CNST: variants seen among roughly 807,000 people sequenced by gnomAD.
CNST encodes consortin, connexin sorting protein.
Under a neutral mutation model 72.4 loss-of-function variants are expected in CNST, and 39 were observed. That is an observed-to-expected ratio of 0.54 (90% confidence interval 0.42 to 0.70). The LOEUF (loss-of-function observed/expected upper bound fraction) is 0.70. CNST is among the 30% of genes least tolerant of loss of function. The probability of loss-of-function intolerance (pLI) is 0.00; values close to 1 mark genes in which losing one functional copy is unlikely to be tolerated. For missense variants in CNST, 871 were observed against 868.5 expected (o/e 1.00, Z -0.04); for synonymous variants, 332 against 320.1 (o/e 1.04, Z -0.40).
intron 6 of CNST, among the ~76,000 whole-genome samples, chr1:246,640,040 C>T (rs1665582751): frequency 6.6e-6 from 1 of 152,136 alleles, no homozygotes; most frequent in South Asian, 2.1e-4. Flanking sequence ...TGGGACTGGG[C>T]CTGAGGAGGG....
chr1:246,643,559 G>A (rs77374861), intron 8 of CNST, among the ~76,000 whole-genome samples: 2,237 of 152,304 alleles, frequency 0.015, 65 homozygotes, highest in African/African-American at 0.051. Flanking sequence ...GGAAACTGAG[G>A]TACCAAGTTT....
In CNST at chr1:246,634,459, T is replaced by A. The variant is rs1381516113; in HGVS notation, c.704-14T>A. 1 of 1,507,172 alleles carries A rather than the reference T, an allele frequency of 6.6e-7. No homozygotes were observed. The highest frequency in any genetic ancestry group is 9.0e-7 in the Non-Finnish European group (1 of 1,111,088). 93.4% of individuals were successfully genotyped at this position (1,507,172 alleles called of 1,614,324 possible). On this transcript the variant is annotated splice_polypyrimidine_tract_variant and intron_variant, in intron 5 of 10. Coordinates refer to ENST00000366513, the MANE Select transcript of CNST (RefSeq NM_152609.3). ...TTTATAAGAGCCAGTGACTAACAAA[T>A]ACTTTAAATTTAGAAACAAAATGGA... is the stretch of plus-strand genomic sequence containing the variant.
chr1:246,621,312 GT>G (rs1471071566), intron 2 of CNST, 116 bp from the exon 3 acceptor site: 1 of 748,578 alleles, frequency 1.3e-6, no homozygotes, highest in African/African-American at 1.7e-5. Flanking sequence ...TTACCTTCCT[GT>G]TCAGGTCTGT....
At chr1:246,629,027 T>C (rs1664616185) in intron 3 of CNST, among the ~76,000 whole-genome samples, 2 of 152,188 alleles carry the variant, frequency 1.3e-5, no homozygotes, top group Admixed American at 6.5e-5. Context: ...TTATTTGTAT[T>C]TATTTATTTA....
At chr1:246,595,148 A>G (rs2103030596) in intron 2 of CNST, among the ~76,000 whole-genome samples, 1 of 152,278 alleles carries the variant, frequency 6.6e-6, no homozygotes, top group African/African-American at 2.4e-5. Context: ...AGCAGGGCAC[A>G]GGTGTTTGAG....
intron 6 of CNST, 151 bp downstream of exon 6, chr1:246,634,738 G>A: frequency 5.1e-6 from 3 of 589,648 alleles, no homozygotes; most frequent in Non-Finnish European, 2.9e-6. Flanking sequence ...GTATTGGTTC[G>A]AACCCCGGGA....
At chr1:246,653,544 C>T (rs1227833230) in intron 9 of CNST, among the ~76,000 whole-genome samples, 1 of 152,148 alleles carries the variant, frequency 6.6e-6, no homozygotes, top group Non-Finnish European at 1.5e-5. Flanking sequence ...GTTTTAGAAA[C>T]AATGGTTGGC....
intron 2 of CNST, chr1:246,608,163 A>C (rs1269294286): frequency 1.3e-5 from 2 of 151,734 alleles, no homozygotes; most frequent in East Asian, 3.9e-4. Context: ...TACAAAAAAA[A>C]CAAATAAATA....
At chr1:246,627,180 A>G (rs1664492937) in intron 3 of CNST, among the ~76,000 whole-genome samples, 1 of 152,212 alleles carries the variant, frequency 6.6e-6, no homozygotes, top group Non-Finnish European at 1.5e-5. Flanking sequence ...TGTGATGCAG[A>G]TAAAACATAA....
chr1:246,666,143 C>G lies in CNST; in HGVS notation c.*238C>G. 2.1e-6 allele frequency: 1 copy of G among 485,538 alleles called. No individual in the cohort carries two copies. The highest frequency in any genetic ancestry group is 3.7e-6 in the Non-Finnish European group (1 of 269,986). The allele number at this position is 485,538 out of a possible 1,614,324, so 30.1% of individuals were successfully genotyped here. ...GGAATGGTCTTTGGAGAGAGCATAT[C>G]CATCTCCTCCTCACTGCCTCCTAAT... is the stretch of plus-strand genomic sequence containing the variant. On this transcript the variant is annotated 3_prime_UTR_variant, in exon 11 of 11. Transcript: ENST00000366513.
chr1:246,662,287 A>G (rs1255061148), intron 10 of CNST, among the ~76,000 whole-genome samples: 5 of 152,330 alleles, frequency 3.3e-5, no homozygotes, highest in East Asian at 3.9e-4. Context: ...CTGTAAGCCA[A>G]TGCTATCCCC....
In CNST at chr1:246,647,302, T is replaced by C. The variant is rs1208899024; in HGVS notation, c.1101T>C (p.Ala367=). The C allele has an allele frequency of 1.2e-6, 2 of 1,614,042 alleles. No homozygotes were observed. Among genetic ancestry groups the C allele is most frequent in the Admixed American group, 1.7e-5 (1 of 60,008 alleles). ...ACATGGAGGAGCTGCTCTGCAGCGC[T>C]GAAGCCACGTTAGCGCTCCACACCC... ...KDHMEELLCS[A]EATLALHTQS... Residue 367 remains alanine (A), a synonymous_variant, in exon 9 of 11, where the codon GCT becomes GCC. Transcript: ENST00000366513.
At chr1:246,650,611 G>A (rs1398983539) in intron 9 of CNST, among the ~76,000 whole-genome samples, 1 of 151,070 alleles carries the variant, frequency 6.6e-6, no homozygotes, top group Non-Finnish European at 1.5e-5. Context: ...GCTTATAAGT[G>A]CAAACTTAGG....
At chr1:246,618,553 C>A (rs1397300980) in intron 2 of CNST, among the ~76,000 whole-genome samples, 1 of 151,742 alleles carries the variant, frequency 6.6e-6, no homozygotes, top group East Asian at 1.9e-4. Context: ...ATTTTCCTTC[C>A]CCTCCCTACA....
intron 2 of CNST, among the ~76,000 whole-genome samples, chr1:246,619,326 G>A (rs1663900048): frequency 6.6e-6 from 1 of 152,162 alleles, no homozygotes; most frequent in African/African-American, 2.4e-5. Context: ...CCATCACTGG[G>A]CCTTGTACTT....
intron 2 of CNST, among the ~76,000 whole-genome samples, chr1:246,609,499 C>T (rs1029127160): frequency 7.9e-5 from 12 of 152,188 alleles, no homozygotes; most frequent in African/African-American, 2.2e-4. Flanking sequence ...ATTGCTTGAA[C>T]CTGGGAGGCA....
In CNST at chr1:246,665,976, C is replaced by A; in HGVS notation, c.*71C>A. On this transcript the variant is annotated 3_prime_UTR_variant, in exon 11 of 11. Transcript: ENST00000366513. ...GAGACTTTCTAAACAGTTTTTCTTTCAGGAATTCTGTAGCATTCCCCCTTC... is the reference window on the plus strand; with the variant it reads ...GAGACTTTCTAAACAGTTTTTCTTTAAGGAATTCTGTAGCATTCCCCCTTC... 8.6e-7 allele frequency: 1 copy of A among 1,156,340 alleles called. No individual in the cohort carries two copies. The highest frequency in any genetic ancestry group is 1.2e-6 in the Non-Finnish European group (1 of 800,750). 71.6% of individuals were successfully genotyped at this position (1,156,340 alleles called of 1,614,324 possible).
intron 6 of CNST, among the ~76,000 whole-genome samples, chr1:246,638,122 C>A (rs1665420020): frequency 6.6e-6 from 1 of 152,132 alleles, no homozygotes; most frequent in African/African-American, 2.4e-5. Flanking sequence ...TTGTAGCCGA[C>A]ATGGAAAGAG....
At chr1:246,590,810 A>G (rs1661497017) in intron 1 of CNST, among the ~76,000 whole-genome samples, 1 of 151,164 alleles carries the variant, frequency 6.6e-6, no homozygotes, top group South Asian at 2.1e-4. Flanking sequence ...AAGCAGATTT[A>G]GCATTTCTTC....
Sources: allele counts gnomAD v4.1 joint callset (sites outside exome capture counted in the v4.1 genomes callset), GRCh38; gene constraint gnomAD v4.1.1; transcripts MANE v1.5; gene names NCBI Gene and HGNC (gene_info 2026-07-23, HGNC 2026-07-21).